Variants in IL13RA1 observed in about 807,000 individuals in gnomAD.
IL13RA1 encodes the protein interleukin 13 receptor subunit alpha 1, also known as interleukin-13 receptor subunit alpha-1.
IL13RA1 carries 14 observed loss-of-function variants against 33.8 expected under a neutral mutation model. The ratio of observed to expected loss-of-function variants is 0.41; its 90% CI spans 0.27 to 0.65. IL13RA1 has a LOEUF of 0.65. IL13RA1 is among the 30% of genes least tolerant of loss of function. The pLI is 0.28. For synonymous variants in IL13RA1, 116 were observed against 115.7 expected, an observed-to-expected ratio of 1.00 and a Z score of -0.02; for missense variants, 313 against 327.0, an observed-to-expected ratio of 0.96 and a Z score of 0.33.
At chrX:118,727,760 G>A in intron 1 of IL13RA1, 34 bp downstream of exon 1, 12 of 672,599 alleles carry the variant, frequency 1.8e-5, no homozygotes, top group Non-Finnish European at 2.3e-5. Context: ...AGGGGCGGCC[G>A]GAGGGCTGAG....
intron 8 of IL13RA1, among the ~76,000 whole-genome samples, chrX:118,771,865 C>T (rs1045755165): frequency 2.3e-4 from 26 of 110,890 alleles, no homozygotes; most frequent in South Asian, 3.8e-4. Flanking sequence ...TTCTAGCTCC[C>T]GGGAGGCTGA....
intron 5 of IL13RA1, among the ~76,000 whole-genome samples, chrX:118,759,238 G>A (rs904569625): frequency 1.8e-5 from 2 of 111,687 alleles, no homozygotes; most frequent in Non-Finnish European, 3.8e-5. Context: ...TTCACTTTGG[G>A]CAAGGCATAT....
At chrX:118,799,149 C>T (rs771730471), downstream of IL13RA1, among the ~76,000 whole-genome samples, 4 of 113,285 alleles carry the variant, frequency 3.5e-5, no homozygotes, top group African/African-American at 1.3e-4. Flanking sequence ...GCCGGCCCAC[C>T]GGCGCTGTGC....
chrX:118,730,075 C>T (rs1282007618), intron 1 of IL13RA1, among the ~76,000 whole-genome samples: 1 of 112,272 alleles, frequency 8.9e-6, no homozygotes, highest in African/African-American at 3.2e-5. Context: ...GAGACTGAGG[C>T]AGATGGATCA....
At chrX:118,775,338 G>A (rs978942481) in intron 9 of IL13RA1, among the ~76,000 whole-genome samples, 1 of 111,105 alleles carries the variant, frequency 9.0e-6, no homozygotes, top group African/African-American at 3.3e-5. Flanking sequence ...ACCACATCAC[G>A]CAGGCCATGG....
At chrX:118,772,179 G>A (rs2017729583) in intron 8 of IL13RA1, among the ~76,000 whole-genome samples, 1 of 112,573 alleles carries the variant, frequency 8.9e-6, no homozygotes, top group South Asian at 3.6e-4. Context: ...TCAGATAGCT[G>A]GAAGGGATCT....
At chrX:118,801,348 G>A in the IL13RA1 span, among the ~76,000 whole-genome samples, 1 of 111,652 alleles carries the variant, frequency 9.0e-6, no homozygotes, top group South Asian at 3.7e-4. Flanking sequence ...CCTTATTGTG[G>A]ATCTTCTTCC....
chrX:118,749,864 C>T (rs1466845424), intron 4 of IL13RA1, 86 bp downstream of exon 4: 1 of 630,945 alleles, frequency 1.6e-6, no homozygotes, highest in African/African-American at 2.2e-5. Flanking sequence ...AAAAAAAGAA[C>T]TGTTTAATTT....
intron 5 of IL13RA1, chrX:118,758,978 T>C (rs1280288832): frequency 8.9e-6 from 1 of 112,116 alleles, no homozygotes; most frequent in Non-Finnish European, 1.9e-5. Flanking sequence ...AGGTCTAGTC[T>C]CTTGATACTT....
downstream of IL13RA1, among the ~76,000 whole-genome samples, chrX:118,796,382 A>G (rs2018031885): frequency 8.9e-6 from 1 of 112,263 alleles, no homozygotes; most frequent in African/African-American, 3.2e-5. Flanking sequence ...TAAAGCCTGT[A>G]TAATATAGTC....
intron 10 of IL13RA1, among the ~76,000 whole-genome samples, chrX:118,787,441 G>A (rs1439513280): frequency 9.0e-6 from 1 of 111,558 alleles, no homozygotes; most frequent in Non-Finnish European, 1.9e-5. Context: ...AGGCCAGGGC[G>A]AAACTAGAAT....
chrX:118,803,852 CTTTT>C, the IL13RA1 span, among the ~76,000 whole-genome samples: 1 of 95,565 alleles, frequency 1.0e-5, no homozygotes, highest in Non-Finnish European at 2.1e-5. Context: ...CTTGTTTTCT[CTTTT>C]CCTTCCTTCC....
chrX:118,774,953 G>C (rs775646395), intron 9 of IL13RA1, among the ~76,000 whole-genome samples: 2 of 111,344 alleles, frequency 1.8e-5, no homozygotes, highest in East Asian at 5.6e-4. Flanking sequence ...AAGTGCTAAA[G>C]TTACAGCAGT....
In IL13RA1 at chrX:118,780,493, G is replaced by A. The variant is rs760655008; in HGVS notation, c.1191+3982G>A. ...ACTGGGTAATTTATAAATAAAAGAG[G>A]TTTAATTAGCTCATGGTTCTGCAGG... On this transcript the variant is annotated intron_variant, in intron 10 of 10. Coordinates refer to ENST00000371666, the MANE Select transcript of IL13RA1 (RefSeq NM_001560.3). 1.9e-4 allele frequency among the ~76,000 whole-genome samples: 21 copies of A among 112,666 alleles called. No homozygotes were observed. In the South Asian group the frequency reaches 7.7e-3, roughly 41 times the overall value.
In IL13RA1 at chrX:118,786,706, T is replaced by C. The variant is rs939889888; in HGVS notation, c.1192-5056T>C. Among the ~76,000 whole-genome samples, 19 of 112,158 alleles carry C rather than the reference T, an allele frequency of 1.7e-4. 1 individual carries two copies. In the Admixed American group the frequency reaches 1.7e-3, roughly 10 times the overall value. On this transcript the variant is annotated intron_variant, in intron 10 of 10. Coordinates refer to ENST00000371666, the MANE Select transcript of IL13RA1 (RefSeq NM_001560.3). The stretch of plus-strand genomic sequence containing the variant: ...CTACCTTTCTGCTTTGATCTAGGCT[T>C]TCTTTTTTGTCGCTCTTGTCCCTGT...
intron 2 of IL13RA1, among the ~76,000 whole-genome samples, chrX:118,745,329 G>A (rs1489031557): frequency 8.9e-6 from 1 of 111,778 alleles, no homozygotes; most frequent in Non-Finnish European, 1.9e-5. Flanking sequence ...AGAGTAAACA[G>A]CTTTGCCAGT....
rs2017818945 is a variant in IL13RA1 at position 118,779,454 on chromosome X, T to C, written c.1191+2943T>C. ...AAATACAGGAGTAAGAAACTTACCA[T>C]AAACATGTAGTATATTACAATCATA... is the stretch of plus-strand genomic sequence containing the variant. On this transcript the variant is annotated intron_variant, in intron 10 of 10. Transcript: ENST00000371666. Among the ~76,000 whole-genome samples, 3 of 112,055 alleles carry C rather than the reference T, an allele frequency of 2.7e-5. No homozygotes were observed. In the South Asian group the frequency reaches 1.1e-3, roughly 41 times the overall value.
chrX:118,787,058 T>C (rs1603223498), intron 10 of IL13RA1, among the ~76,000 whole-genome samples: 2 of 112,045 alleles, frequency 1.8e-5, no homozygotes, highest in East Asian at 5.6e-4. Context: ...TACTTTGAGG[T>C]TCATGGGGGA....
intron 4 of IL13RA1, among the ~76,000 whole-genome samples, chrX:118,750,378 T>G (rs1386934268): frequency 1.8e-5 from 2 of 109,996 alleles, no homozygotes; most frequent in Non-Finnish European, 3.8e-5. Flanking sequence ...TATAACCACT[T>G]AAGACTGGCT....
Sources: gnomAD v4.1 joint callset for allele counts (sites outside exome capture counted in the v4.1 genomes callset) on GRCh38, gnomAD v4.1.1 for gene constraint, MANE v1.5 for transcripts, NCBI Gene and HGNC (gene_info 2026-07-23, HGNC 2026-07-21) for gene names.